OR2L13: variants seen among roughly 807,000 people sequenced by gnomAD.
OR2L13 encodes the protein olfactory receptor family 2 subfamily L member 13.
A neutral mutation model predicts 15.3 loss-of-function variants in OR2L13; 14 were observed. That is an observed-to-expected ratio of 0.91 (90% CI 0.60 to 1.43). OR2L13 has a LOEUF of 1.43. OR2L13 is among the 40% of genes most tolerant of loss of function. The pLI is 0.00. For synonymous variants in OR2L13, 152 were observed against 142.9 expected, an observed-to-expected ratio of 1.06 and a Z score of -0.45; for missense variants, 367 against 387.9, an observed-to-expected ratio of 0.95 and a Z score of 0.45.
At chr1:247,997,449 T>C in the OR2L13 span, among the ~76,000 whole-genome samples, 1 of 152,172 alleles carries the variant, frequency 6.6e-6, no homozygotes, top group Admixed American at 6.5e-5. Context: ...ACCTAAAATA[T>C]GTTAGAAGAT....
chr1:247,979,063 C>G, the OR2L13 span, among the ~76,000 whole-genome samples: 1 of 151,994 alleles, frequency 6.6e-6, no homozygotes, highest in African/African-American at 2.4e-5. Context: ...CACCTTTTCC[C>G]ACATCAAATA....
the OR2L13 span, among the ~76,000 whole-genome samples, chr1:248,025,591 A>C: frequency 2.0e-5 from 3 of 148,542 alleles, no homozygotes; most frequent in Non-Finnish European, 4.4e-5. Flanking sequence ...CAGCCATCCC[A>C]TTACTGGGTA....
At chr1:247,965,353 T>C in the OR2L13 span, 1 of 1,590,306 alleles carries the variant, frequency 6.3e-7, no homozygotes, top group Non-Finnish European at 8.6e-7. Flanking sequence ...AGATGTCATC[T>C]CCTTTGATAT....
At chr1:248,081,057 G>T in the OR2L13 span, among the ~76,000 whole-genome samples, 4 of 152,046 alleles carry the variant, frequency 2.6e-5, no homozygotes, top group Admixed American at 1.3e-4. Context: ...ACACACAATG[G>T]GAAATCACTA....
chr1:248,017,524 A>T, the OR2L13 span, among the ~76,000 whole-genome samples: 1 of 152,184 alleles, frequency 6.6e-6, no homozygotes, highest in South Asian at 2.1e-4. Context: ...GTAGAAAGAG[A>T]CTTTTTCTTC....
chr1:248,048,833 T>C, the OR2L13 span, among the ~76,000 whole-genome samples: 1 of 152,018 alleles, frequency 6.6e-6, no homozygotes, highest in Non-Finnish European at 1.5e-5. Context: ...TGGGAGACTT[T>C]TAAAACTTCA....
the OR2L13 span, among the ~76,000 whole-genome samples, chr1:247,964,073 T>C: frequency 6.6e-6 from 1 of 152,210 alleles, no homozygotes; most frequent in Admixed American, 6.5e-5. Flanking sequence ...CTATCTTATC[T>C]TGTAGTAATA....
the OR2L13 span, among the ~76,000 whole-genome samples, chr1:247,961,555 C>T: frequency 3.9e-5 from 6 of 152,232 alleles, no homozygotes; most frequent in African/African-American, 1.4e-4. Context: ...CTCCGATGTC[C>T]GGTTCAGATG....
the OR2L13 span, among the ~76,000 whole-genome samples, chr1:248,060,357 A>G: frequency 6.6e-6 from 1 of 152,230 alleles, no homozygotes; most frequent in Admixed American, 6.5e-5. Flanking sequence ...GTAAGAAGTC[A>G]GATCAAAGAA....
the OR2L13 span, among the ~76,000 whole-genome samples, chr1:248,074,111 T>G: frequency 2.0e-5 from 3 of 152,194 alleles, no homozygotes; most frequent in African/African-American, 7.2e-5. Context: ...TTCTCCAGAA[T>G]AAATAAAAAA....
the OR2L13 span, among the ~76,000 whole-genome samples, chr1:248,052,635 C>G: frequency 6.6e-6 from 1 of 151,868 alleles, no homozygotes; most frequent in African/African-American, 2.4e-5. Context: ...GGAGGCTAAG[C>G]CAGGAGAATG....
At chr1:248,053,545 G>A in the OR2L13 span, among the ~76,000 whole-genome samples, 1 of 152,154 alleles carries the variant, frequency 6.6e-6, no homozygotes, top group African/African-American at 2.4e-5. Context: ...CTTCCACGAT[G>A]GGTGAACTAA....
the OR2L13 span, chr1:248,030,073 T>C: frequency 6.6e-6 from 1 of 152,144 alleles, no homozygotes; most frequent in Non-Finnish European, 1.5e-5. Context: ...CCAATGAAGG[T>C]CTCTGAAATC....
chr1:248,088,820 C>T, the OR2L13 span, among the ~76,000 whole-genome samples: 1 of 152,154 alleles, frequency 6.6e-6, no homozygotes, highest in Non-Finnish European at 1.5e-5. Flanking sequence ...ATGTAAAGAA[C>T]TTCTGTCCAT....
the OR2L13 span, among the ~76,000 whole-genome samples, chr1:248,027,926 G>A: frequency 6.6e-6 from 1 of 151,822 alleles, no homozygotes; most frequent in South Asian, 2.1e-4. Flanking sequence ...GGATCACGAG[G>A]TCAGGAGATC....
the OR2L13 span, chr1:248,023,775 G>T: frequency 1.3e-5 from 2 of 152,254 alleles, no homozygotes; most frequent in Middle Eastern, 3.4e-3. Flanking sequence ...CTCCACAAGA[G>T]CCCATTCCTG....
the OR2L13 span, among the ~76,000 whole-genome samples, chr1:247,951,623 T>C: frequency 6.6e-6 from 1 of 152,238 alleles, no homozygotes; most frequent in Non-Finnish European, 1.5e-5. Flanking sequence ...GAACTTGTCT[T>C]ATGAATCAGA....
At chr1:247,977,432 C>A in the OR2L13 span, among the ~76,000 whole-genome samples, 2 of 152,138 alleles carry the variant, frequency 1.3e-5, no homozygotes, top group African/African-American at 4.8e-5. Context: ...AGAATCCCAT[C>A]CATATCTAGG....
At chr1:247,978,223 A>C in the OR2L13 span, among the ~76,000 whole-genome samples, 12 of 152,302 alleles carry the variant, frequency 7.9e-5, no homozygotes, top group Admixed American at 6.5e-4. Context: ...AACCCACCGG[A>C]AGGAACAAAC....
Sources: gnomAD v4.1 joint callset for allele counts (sites outside exome capture counted in the v4.1 genomes callset) on GRCh38, gnomAD v4.1.1 for gene constraint, MANE v1.5 for transcripts, NCBI Gene and HGNC (gene_info 2026-07-23, HGNC 2026-07-21) for gene names.